LRRC56: variants seen among roughly 807,000 people sequenced by gnomAD.
The protein encoded by LRRC56 is leucine-rich repeat-containing protein 56.
A neutral mutation model predicts 47.8 loss-of-function variants in LRRC56; 41 were observed. The observed-to-expected ratio is 0.86, with a 90% CI of 0.67 to 1.11. The LOEUF (loss-of-function observed/expected upper bound fraction) is 1.11. LRRC56 is among the 50% of genes most tolerant of loss of function. The pLI is 0.00. For synonymous variants in LRRC56, 387 were observed against 311.2 expected (o/e 1.24, Z -2.56); for missense variants, 759 against 704.2 (o/e 1.08, Z -0.88).
At chr11:520,594 C>T in the LRRC56 span, among the ~76,000 whole-genome samples, 4 of 152,312 alleles carry the variant, frequency 2.6e-5, no homozygotes, top group Middle Eastern at 3.4e-3. Flanking sequence ...CCTGGCGTTA[C>T]AGGCATGAGC....
chr11:552,812 A>C, intron 13 of LRRC56, 110 bp downstream of exon 13: 1 of 953,116 alleles, frequency 1.0e-6, no homozygotes, highest in Non-Finnish European at 1.5e-6. Context: ...CTGCTTCCTC[A>C]GCCATGCTCT....
chr11:532,492 G>T, the LRRC56 span: 1 of 1,124,544 alleles, frequency 8.9e-7, no homozygotes, highest in Non-Finnish European at 1.3e-6. Context: ...CCTCCTTCCT[G>T]CATCCGGCAC....
the LRRC56 span, among the ~76,000 whole-genome samples, chr11:508,157 GACT>G: frequency 6.6e-6 from 1 of 152,206 alleles, no homozygotes; most frequent in Non-Finnish European, 1.5e-5. Flanking sequence ...CCTCTCCTCT[GACT>G]GCCTTTATTA....
At chr11:513,092 C>T in the LRRC56 span, among the ~76,000 whole-genome samples, 6 of 152,230 alleles carry the variant, frequency 3.9e-5, no homozygotes, top group Admixed American at 2.0e-4. Flanking sequence ...CAGCACACCC[C>T]GCCTGCAGGG....
At chr11:509,114 A>C in the LRRC56 span, among the ~76,000 whole-genome samples, 2 of 152,068 alleles carry the variant, frequency 1.3e-5, no homozygotes, top group African/African-American at 4.8e-5. Flanking sequence ...ACCCCCAAGA[A>C]AGCTCAGGGC....
At chr11:533,338 G>A (rs768095368), upstream of LRRC56, 2 of 1,605,612 alleles carry the variant, frequency 1.2e-6, no homozygotes, top group East Asian at 2.2e-5. Context: ...CGGAGCTGGA[G>A]CTAGAGCCAG....
chr11:521,725 T>C, the LRRC56 span, among the ~76,000 whole-genome samples: 1 of 152,092 alleles, frequency 6.6e-6, no homozygotes. Flanking sequence ...CCATCCTGGC[T>C]AACACGATGA....
chr11:537,205 G>GCCA (rs1851549334), upstream of LRRC56: 1 of 152,276 alleles, frequency 6.6e-6, no homozygotes, highest in South Asian at 2.1e-4. Context: ...CGTGGGAAGC[G>GCCA]CCAGGATCGC....
At chr11:544,584 T>G in intron 5 of LRRC56, 136 bp from the exon 6 acceptor site, 2 of 851,948 alleles carry the variant, frequency 2.3e-6, no homozygotes, top group Non-Finnish European at 3.9e-6. Flanking sequence ...ACCCCTCCTG[T>G]GGTGTGGAGG....
chr11:514,616 A>G, the LRRC56 span, among the ~76,000 whole-genome samples: 305 of 151,878 alleles, frequency 2.0e-3, 2 homozygotes, highest in South Asian at 0.013. Context: ...TTTGGTCTTG[A>G]GGGAGGGTAG....
At chr11:529,951 G>A in the LRRC56 span, among the ~76,000 whole-genome samples, 2 of 152,148 alleles carry the variant, frequency 1.3e-5, no homozygotes, top group East Asian at 1.9e-4. Context: ...GGGGGCTTCC[G>A]TGGAGCCCAG....
the LRRC56 span, among the ~76,000 whole-genome samples, chr11:512,237 T>C: frequency 1.3e-5 from 2 of 150,392 alleles, no homozygotes; most frequent in African/African-American, 4.9e-5. Flanking sequence ...CCACAAAGCC[T>C]TTTTGTTTTC....
upstream of LRRC56, chr11:537,427 G>GC (rs1259006822): frequency 2.6e-5 from 4 of 152,264 alleles, no homozygotes; most frequent in Non-Finnish European, 5.9e-5. Flanking sequence ...CGGAACCCGA[G>GC]CCCCCGGCGA....
At chr11:546,320 G>A (rs1383981995) in intron 6 of LRRC56, among the ~76,000 whole-genome samples, 1 of 152,124 alleles carries the variant, frequency 6.6e-6, no homozygotes, top group Non-Finnish European at 1.5e-5. Context: ...TGTAATCCCA[G>A]TACTTTGGGA....
At chr11:552,335 A>G in intron 12 of LRRC56, 103 bp downstream of exon 12, 1 of 1,469,606 alleles carries the variant, frequency 6.8e-7, no homozygotes, top group Non-Finnish European at 9.2e-7. Flanking sequence ...AGGCTCGTGG[A>G]CCATCCCTGC....
At chr11:518,956 G>A in the LRRC56 span, among the ~76,000 whole-genome samples, 8 of 152,002 alleles carry the variant, frequency 5.3e-5, 1 homozygote, top group South Asian at 1.7e-3. Flanking sequence ...CCAAACCGAG[G>A]GGAACTTGCG....
chr11:519,154 A>G, the LRRC56 span, among the ~76,000 whole-genome samples: 8 of 152,240 alleles, frequency 5.3e-5, no homozygotes, highest in Non-Finnish European at 1.0e-4. Flanking sequence ...ACATACAAGT[A>G]CAAATAAGAA....
At chr11:542,999 T>C (rs1395645035) in intron 5 of LRRC56, among the ~76,000 whole-genome samples, 1 of 149,866 alleles carries the variant, frequency 6.7e-6, no homozygotes, top group Non-Finnish European at 1.5e-5. Context: ...AGGTTGAATT[T>C]TCCTACCTCA....
At chr11:512,047 G>A in the LRRC56 span, among the ~76,000 whole-genome samples, 764 of 152,002 alleles carry the variant, frequency 5.0e-3, 3 homozygotes, top group East Asian at 0.014. Flanking sequence ...GGCCTCAAGT[G>A]ATTCTTCCGC....
Sources: gnomAD v4.1 joint callset for allele counts (sites outside exome capture counted in the v4.1 genomes callset) on GRCh38, gnomAD v4.1.1 for gene constraint, MANE v1.5 for transcripts, NCBI Gene and HGNC (gene_info 2026-07-23, HGNC 2026-07-21) for gene names.